Variants in CNBD1 observed in about 807,000 individuals in gnomAD.
CNBD1 encodes cyclic nucleotide-binding domain-containing protein 1.
Under a neutral mutation model 54.4 loss-of-function variants are expected in CNBD1, and 71 were observed. The ratio of observed to expected loss-of-function variants is 1.30; its 90% CI spans 1.08 to 1.59. The LOEUF is 1.59. Ranked by LOEUF, CNBD1 falls within the 40% of genes most tolerant of loss-of-function variation. CNBD1 has a pLI of 0.00. For missense variants in CNBD1, 659 were observed against 518.0 expected (o/e 1.27, Z -2.64); for synonymous variants, 182 against 170.7 (o/e 1.07, Z -0.51).
chr8:86,892,593 T>A lies in CNBD1; in HGVS notation c.158+4982T>A, dbSNP rs1378463430. Among the ~76,000 whole-genome samples the A allele has an allele frequency of 2.0e-5, 3 of 152,150 alleles. No individual in the cohort carries two copies. The East Asian group carries it at 5.8e-4, about 29-fold the overall frequency. ...TTTTATAATAAAGAAGAAAATAACA[T>A]TTTAAGATTTATAGTAAATCTTTAA... On this transcript the variant is annotated intron_variant, in intron 2 of 10. Coordinates refer to ENST00000518476, the MANE Select transcript of CNBD1 (RefSeq NM_173538.3).
rs764083564 is a variant in CNBD1, at chr8:87,353,719, T to A, written c.1236T>A (p.Pro412=). The A allele has an allele frequency of 8.7e-6, 14 of 1,611,946 alleles. No homozygotes were observed. The highest frequency in any genetic ancestry group is 1.7e-4 in the Middle Eastern group (1 of 6,050). Residue 412 remains proline, a synonymous_variant, in exon 10 of 11, where the codon CCT becomes CCA. Coordinates refer to ENST00000518476, the MANE Select transcript of CNBD1 (RefSeq NM_173538.3). ...FGEISVLLQV[P]FTCTIITKKE... is the part of the protein sequence containing the mutation. ...AGATTAGCGTCCTTCTTCAAGTTCC[T>A]TTCACGTGCACAATCATTACCAAAA...
In CNBD1 at chr8:86,951,581, CAA is replaced by C. The variant is rs71275901; in HGVS notation, c.431+11864_431+11865del. Among the ~76,000 whole-genome samples the C allele has an allele frequency of 3.6e-3, 134 of 37,334 alleles. 4 individuals carry two copies. The highest frequency in any genetic ancestry group is 0.012 in the African/African-American group (120 of 10,146). 24.5% of individuals were successfully genotyped at this position (37,334 alleles called of 152,430 possible). The stretch of plus-strand genomic sequence containing the variant: ...GGTGACAGAGCGAGGCTCCGTCTCA[CAA>C]AAAAAAAAAAAAAAAAAAAAAAAAA... On this transcript the variant is annotated intron_variant, in intron 4 of 10. Coordinates refer to ENST00000518476, the MANE Select transcript of CNBD1 (RefSeq NM_173538.3).
intron 4 of CNBD1, among the ~76,000 whole-genome samples, chr8:86,981,753 TTAG>T (rs1808493528): frequency 1.3e-5 from 2 of 152,222 alleles, no homozygotes; most frequent in East Asian, 1.9e-4. Context: ...TTTTTATTGC[TTAG>T]TAGCATTCCA....
At chr8:87,168,051 T>C (rs1217567528) in intron 4 of CNBD1, among the ~76,000 whole-genome samples, 1 of 152,020 alleles carries the variant, frequency 6.6e-6, no homozygotes, top group Non-Finnish European at 1.5e-5. Flanking sequence ...AAATATGGTA[T>C]TATAAACTCA....
intron 8 of CNBD1, among the ~76,000 whole-genome samples, chr8:87,303,850 A>C (rs1809077557): frequency 6.6e-6 from 1 of 152,190 alleles, no homozygotes; most frequent in Non-Finnish European, 1.5e-5. Flanking sequence ...CACTTCTCAA[A>C]AGAAGATATT....
Position 86,978,716 on chromosome 8 carries a change from T to G in CNBD1, c.431+38962T>G, listed in dbSNP as rs561612189. Among the ~76,000 whole-genome samples the G allele has an allele frequency of 5.3e-5, 8 of 152,072 alleles. No individual in the cohort carries two copies. The South Asian group carries it at 1.7e-3, about 32-fold the overall frequency. ...CTCCAACACGCCTGGCTAATTTTTG[T>G]ATTTTTAGTAGAGATGGGGTTTCTC... On this transcript the variant is annotated intron_variant, in intron 4 of 10. Coordinates refer to ENST00000518476, the MANE Select transcript of CNBD1 (RefSeq NM_173538.3).
At chr8:86,890,489 A>G (rs1048010445) in intron 2 of CNBD1, among the ~76,000 whole-genome samples, 21 of 152,130 alleles carry the variant, frequency 1.4e-4, no homozygotes, top group Admixed American at 5.9e-4. Context: ...TTATTCACTG[A>G]TGGACATTTA....
At chr8:87,095,405 A>C (rs1384346549) in intron 4 of CNBD1, among the ~76,000 whole-genome samples, 2 of 152,184 alleles carry the variant, frequency 1.3e-5, no homozygotes, top group African/African-American at 4.8e-5. Context: ...ATAGTTTCCT[A>C]TTTGAGTGTT....
At position 86,908,603 on chromosome 8, in the gene CNBD1, T is replaced by C. The variant is rs148294634; in HGVS notation, c.272+3409T>C. 2.5e-3 allele frequency among the ~76,000 whole-genome samples: 376 copies of C among 152,210 alleles called. 3 individuals carry two copies. Among genetic ancestry groups the C allele is most frequent in the African/African-American group, 8.6e-3 (357 of 41,520 alleles). ...AAATGGCAATGATGTTTTATGTACATTATACCATCTGTCAAGAAATTGACC... is the reference window on the plus strand; with the variant it reads ...AAATGGCAATGATGTTTTATGTACACTATACCATCTGTCAAGAAATTGACC... On this transcript the variant is annotated intron_variant, in intron 3 of 10. Transcript: ENST00000518476.
At chr8:87,273,918 ACCC>A (rs1186335364) in intron 6 of CNBD1, among the ~76,000 whole-genome samples, 1 of 120,472 alleles carries the variant, frequency 8.3e-6, no homozygotes, top group Non-Finnish European at 1.8e-5. Context: ...GCTATCCCTC[ACCC>A]CTCCCCCCAC....
intron 2 of CNBD1, among the ~76,000 whole-genome samples, chr8:87,423,716 AG>A: frequency 6.6e-6 from 1 of 151,064 alleles, no homozygotes. Context: ...ATGTTCATCA[AG>A]GATATTGGTC....
At chr8:86,888,365 C>T (rs1443016260) in intron 2 of CNBD1, among the ~76,000 whole-genome samples, 1 of 152,126 alleles carries the variant, frequency 6.6e-6, no homozygotes, top group East Asian at 1.9e-4. Context: ...CAAGAGGGAT[C>T]ATTTTCCCCT....
intron 4 of CNBD1, among the ~76,000 whole-genome samples, chr8:87,000,296 T>C (rs1192915681): frequency 2.0e-5 from 3 of 152,146 alleles, no homozygotes; most frequent in Non-Finnish European, 4.4e-5. Context: ...GCTGTCACCA[T>C]GTAAGATGTG....
chr8:87,419,729 T>G (rs950898049), intron 2 of CNBD1, among the ~76,000 whole-genome samples: 1 of 151,814 alleles, frequency 6.6e-6, no homozygotes, highest in Non-Finnish European at 1.5e-5. Flanking sequence ...ATATTTAGTT[T>G]AAAATATTCC....
rs3055413 is a variant in CNBD1 at position 87,330,231 on chromosome 8, C to CTTTTTTTTTTTTTT, written c.1043-21441_1043-21440insTTTTTTTTTTTTTT. ...TACTGGTAATTTGTGTTCCTTCTCT[C>CTTTTTTTTTTTTTT]TTTTTTTTTTTTTCAGTTAGCCTGG... On this transcript the variant is annotated intron_variant, in intron 8 of 10. Coordinates refer to ENST00000518476, the MANE Select transcript of CNBD1 (RefSeq NM_173538.3). Among the ~76,000 whole-genome samples the CTTTTTTTTTTTTTT allele has an allele frequency of 2.3e-5, 3 of 130,776 alleles. 1 individual carries two copies. 85.8% of individuals were successfully genotyped at this position (130,776 alleles called of 152,430 possible).
intron 4 of CNBD1, among the ~76,000 whole-genome samples, chr8:87,111,663 T>G (rs66519364): frequency 0.24 from 35,735 of 152,026 alleles, 4,466 homozygotes; most frequent in Admixed American, 0.3. Context: ...CTTTTGTTTA[T>G]TTATTCGTGA....
At chr8:87,257,745 G>A in intron 6 of CNBD1, among the ~76,000 whole-genome samples, 1 of 152,054 alleles carries the variant, frequency 6.6e-6, no homozygotes, top group East Asian at 1.9e-4. Context: ...GTTATCACAG[G>A]TAATTTGACT....
At chr8:87,258,408 A>AT (rs1212479076) in intron 6 of CNBD1, among the ~76,000 whole-genome samples, 2 of 143,712 alleles carry the variant, frequency 1.4e-5, no homozygotes, top group Non-Finnish European at 3.0e-5. Flanking sequence ...GCAAACAAAA[A>AT]TTTTTCTTTT....
intron 4 of CNBD1, among the ~76,000 whole-genome samples, chr8:87,038,061 A>G (rs1809987049): frequency 6.6e-6 from 1 of 152,130 alleles, no homozygotes; most frequent in Non-Finnish European, 1.5e-5. Context: ...TCACAGTTTG[A>G]CTTGCACTTA....
Sources: gnomAD v4.1 joint callset for allele counts (sites outside exome capture counted in the v4.1 genomes callset) on GRCh38, gnomAD v4.1.1 for gene constraint, MANE v1.5 for transcripts, NCBI Gene and HGNC (gene_info 2026-07-23, HGNC 2026-07-21) for gene names.